The following CTPS2 variants were observed in gnomAD, a reference collection of about 807,000 sequenced individuals.
The protein encoded by CTPS2 is CTP synthase 2.
A neutral mutation model predicts 46.8 loss-of-function variants in CTPS2; 19 were observed. The ratio of observed to expected loss-of-function variants is 0.41; its 90% CI spans 0.28 to 0.60. The LOEUF (loss-of-function observed/expected upper bound fraction) is 0.60, where lower values mean the gene tolerates loss of function less well. Ranked by LOEUF, CTPS2 falls within the 20% of genes least tolerant of loss-of-function variation. The pLI, the probability that CTPS2 is intolerant of heterozygous loss-of-function variation, is 0.35. For synonymous variants in CTPS2, 151 were observed against 165.2 expected, an observed-to-expected ratio of 0.91 and a Z score of 0.66; for missense variants, 286 against 447.6, an observed-to-expected ratio of 0.64 and a Z score of 3.26.
chrX:16,599,484 T>C (rs1929513956), intron 17 of CTPS2, among the ~76,000 whole-genome samples: 1 of 105,202 alleles, frequency 9.5e-6, no homozygotes, highest in African/African-American at 3.5e-5. Context: ...TTCTTTTTTT[T>C]TTTTTTTTTG....
chrX:16,704,620 G>A (rs62585731), intron 1 of CTPS2, among the ~76,000 whole-genome samples: 60,823 of 110,127 alleles, frequency 0.55, 13,752 homozygotes, highest in African/African-American at 0.86. Context: ...CCACAGAATG[G>A]ACAACAGGAA....
intron 8 of CTPS2, among the ~76,000 whole-genome samples, chrX:16,684,437 A>AGGCAGAG (rs1424386471): frequency 9.7e-6 from 1 of 102,725 alleles, no homozygotes; most frequent in Non-Finnish European, 2.0e-5. Flanking sequence ...TGAACCCGGG[A>AGGCAGAG]GGCAGAGGTT....
At chrX:16,702,587 G>A in intron 2 of CTPS2, 150 bp downstream of exon 2, 1 of 487,315 alleles carries the variant, frequency 2.1e-6, no homozygotes. Flanking sequence ...TATGAACAAT[G>A]TATCAATGAC....
At chrX:16,707,447 G>T (rs1316526825) in intron 1 of CTPS2, among the ~76,000 whole-genome samples, 2 of 111,973 alleles carry the variant, frequency 1.8e-5, no homozygotes, top group Non-Finnish European at 3.8e-5. Flanking sequence ...GAGGTGGGAG[G>T]ATCTCTTGAG....
intron 1 of CTPS2, chrX:16,711,857 GTTGT>G (rs1385109150): frequency 9.0e-6 from 1 of 111,083 alleles, no homozygotes. Flanking sequence ...CGCGGGGGTC[GTTGT>G]TTAAGGGGTG....
intron 13 of CTPS2, among the ~76,000 whole-genome samples, chrX:16,662,140 T>C (rs1027763318): frequency 1.8e-5 from 2 of 110,439 alleles, no homozygotes; most frequent in African/African-American, 6.6e-5. Context: ...GTGATTGATA[T>C]AGGGTTAGAA....
intron 15 of CTPS2, among the ~76,000 whole-genome samples, chrX:16,618,127 A>G (rs1930631727): frequency 9.0e-6 from 1 of 111,531 alleles, no homozygotes; most frequent in Non-Finnish European, 1.9e-5. Flanking sequence ...CCTGGCAATC[A>G]CTAATCTATA....
At chrX:16,672,109 T>C (rs910853323) in intron 10 of CTPS2, among the ~76,000 whole-genome samples, 1 of 111,390 alleles carries the variant, frequency 9.0e-6, no homozygotes, top group Non-Finnish European at 1.9e-5. Flanking sequence ...CCTCTCTCAG[T>C]AAAGTCCCTC....
intron 13 of CTPS2, among the ~76,000 whole-genome samples, chrX:16,641,457 A>G (rs1487233413): frequency 8.9e-6 from 1 of 112,794 alleles, no homozygotes; most frequent in Non-Finnish European, 1.9e-5. Flanking sequence ...TAGCCAACTA[A>G]GAACAGGAGG....
chrX:16,656,768 A>G (rs762988869), intron 13 of CTPS2, among the ~76,000 whole-genome samples: 1 of 111,859 alleles, frequency 8.9e-6, no homozygotes, highest in Admixed American at 9.5e-5. Flanking sequence ...TTCAAACAAC[A>G]TAAGCCCTCT....
intron 13 of CTPS2, among the ~76,000 whole-genome samples, chrX:16,649,582 C>G (rs1028124788): frequency 2.7e-5 from 3 of 111,826 alleles, no homozygotes; most frequent in Non-Finnish European, 5.6e-5. Context: ...GCCTCAACCT[C>G]CCAGGCTTAA....
At chrX:16,595,529 C>T (rs766771045) in intron 17 of CTPS2, among the ~76,000 whole-genome samples, 5 of 111,217 alleles carry the variant, frequency 4.5e-5, no homozygotes, top group Middle Eastern at 4.6e-3. Flanking sequence ...TGGTCTCAAA[C>T]TCCTGACCTC....
chrX:16,600,335 T>C (rs1260275870), intron 17 of CTPS2, among the ~76,000 whole-genome samples: 1 of 112,009 alleles, frequency 8.9e-6, no homozygotes, highest in Non-Finnish European at 1.9e-5. Flanking sequence ...ATGAGTTCCT[T>C]ACAATACTTT....
rs375480509 is a variant in CTPS2 at position 16,647,958 on chromosome X, C to T, written c.1297-8715G>A. ...TACACAAAATATATATATATGTATC[C>T]GGGCATGGTGGCACATGCCTGTAGT... On this transcript the variant is annotated intron_variant, in intron 13 of 18. Transcript: ENST00000359276. 2.7e-5 allele frequency among the ~76,000 whole-genome samples: 3 copies of T among 110,092 alleles called. No individual in the cohort carries two copies. In the East Asian group the frequency reaches 8.6e-4, roughly 32 times the overall value.
intron 14 of CTPS2, among the ~76,000 whole-genome samples, chrX:16,632,304 GA>G (rs1056420705): frequency 9.0e-6 from 1 of 111,727 alleles, no homozygotes; most frequent in African/African-American, 3.2e-5. Context: ...TTTAAAAGGA[GA>G]AAAATGAGTT....
intron 16 of CTPS2, 44 bp downstream of exon 16, chrX:16,617,106 A>G (rs758273297): frequency 9.6e-7 from 1 of 1,040,831 alleles, no homozygotes; most frequent in South Asian, 2.0e-5. Flanking sequence ...GTCCACAAAA[A>G]GGCAAGTTAT....
At chrX:16,679,353 G>A (rs1287808220) in intron 9 of CTPS2, among the ~76,000 whole-genome samples, 8 of 108,676 alleles carry the variant, frequency 7.4e-5, no homozygotes, top group African/African-American at 2.7e-4. Flanking sequence ...GTGAGAGTCC[G>A]TCTCAAAAAA....
intron 16 of CTPS2, 61 bp downstream of exon 16, chrX:16,617,089 G>T: frequency 2.3e-6 from 2 of 858,499 alleles, no homozygotes; most frequent in Non-Finnish European, 1.7e-6. Context: ...TCTCAAATTA[G>T]TCTGTGGTCC....
chrX:16,691,503 G>A lies in CTPS2; in HGVS notation c.720+37C>T, dbSNP rs5980322. 0.45 allele frequency: 499,139 copies of A among 1,101,672 alleles called. 83,947 individuals are homozygous for A. The highest frequency in any genetic ancestry group is 0.87 in the African/African-American group (47,976 of 55,112). 90.8% of individuals were successfully genotyped at this position (1,101,672 alleles called of 1,213,427 possible). A position where few individuals can be genotyped will look rare whatever the true frequency, so the allele number is the denominator to read the frequency against. On this transcript the variant is annotated intron_variant, in intron 7 of 18. Transcript: ENST00000359276. ...ACAAAACACTGGCATCAGCAGAAGT[G>A]CCTGCCAGACAATAAAATCTAAAGA...
Sources: gnomAD v4.1 joint callset for allele counts (sites outside exome capture counted in the v4.1 genomes callset) on GRCh38, gnomAD v4.1.1 for gene constraint, MANE v1.5 for transcripts, NCBI Gene and HGNC (gene_info 2026-07-23, HGNC 2026-07-21) for gene names.